The following ESR1 variants were observed in gnomAD, a reference collection of about 807,000 sequenced individuals.
ESR1 encodes estrogen receptor.
ESR1 carries 12 observed loss-of-function variants against 52.7 expected under a neutral mutation model. The observed-to-expected ratio is 0.23, with a 90% CI of 0.15 to 0.37. ESR1 has a LOEUF of 0.37. ESR1 is among the 10% of genes least tolerant of loss of function. The probability of loss-of-function intolerance (pLI) is 1.00; values close to 1 mark genes in which losing one functional copy is unlikely to be tolerated. For missense variants in ESR1, 584 were observed against 779.7 expected, an observed-to-expected ratio of 0.75 and a Z score of 2.99; for synonymous variants, 305 against 316.8, an observed-to-expected ratio of 0.96 and a Z score of 0.39.
exon 7 of ESR1, chr6:152,127,166 T>C (rs1247911396): frequency 6.6e-6 from 1 of 152,114 alleles, no homozygotes; most frequent in African/African-American, 2.4e-5. Flanking sequence ...TGGCCTCAGC[T>C]CTAAAACCAT....
chr6:152,052,375 C>T (rs993039177), intron 5 of ESR1, among the ~76,000 whole-genome samples: 16 of 152,110 alleles, frequency 1.1e-4, no homozygotes, highest in African/African-American at 3.9e-4. Context: ...GAATGTAGAA[C>T]AGTGATATAA....
intron 2 of ESR1, among the ~76,000 whole-genome samples, chr6:151,779,886 C>A (rs1313481694): frequency 8.6e-6 from 1 of 116,472 alleles, no homozygotes; most frequent in African/African-American, 3.4e-5. Flanking sequence ...GGCGACAGAG[C>A]GAGACTCCGT....
chr6:151,977,488 G>A (rs1008058778), intron 4 of ESR1, among the ~76,000 whole-genome samples: 1 of 151,398 alleles, frequency 6.6e-6, no homozygotes, highest in Admixed American at 6.6e-5. Context: ...GCTTTAATGT[G>A]GACCTAGGTC....
chr6:151,885,257 G>A lies in ESR1; in HGVS notation c.760+4486G>A, dbSNP rs150607321. On this transcript the variant is annotated intron_variant, in intron 3 of 7. Coordinates refer to ENST00000206249, the MANE Select transcript of ESR1 (RefSeq NM_000125.4). ...TAAAGAGAACATTTGCATGGGAAGC[G>A]GCAAATAAAAATCTCAACGGCAAGT... Among the ~76,000 whole-genome samples, 11 of 152,218 alleles carry A rather than the reference G, an allele frequency of 7.2e-5. No individual in the cohort carries two copies. In the East Asian group the frequency reaches 1.4e-3, roughly 19 times the overall value.
intron 4 of ESR1, among the ~76,000 whole-genome samples, chr6:152,004,369 T>G (rs13219476): frequency 0.13 from 19,852 of 151,982 alleles, 1,518 homozygotes; most frequent in East Asian, 0.33. Context: ...TGGGCAGACT[T>G]GAAACCAGTT....
intron 4 of ESR1, among the ~76,000 whole-genome samples, chr6:151,958,692 A>G (rs962988549): frequency 1.3e-5 from 2 of 152,160 alleles, no homozygotes; most frequent in African/African-American, 4.8e-5. Flanking sequence ...AAATGCACAC[A>G]CTCATTTACC....
chr6:152,096,765 T>C, intron 7 of ESR1: 1 of 453,064 alleles, frequency 2.2e-6, no homozygotes, highest in Non-Finnish European at 4.4e-6. Context: ...CTTTTTCTTT[T>C]GATGAGTATT....
chr6:152,010,254 A>G (rs1047862279), intron 4 of ESR1, among the ~76,000 whole-genome samples: 5 of 152,156 alleles, frequency 3.3e-5, no homozygotes, highest in Non-Finnish European at 5.9e-5. Context: ...TGTTACCTCC[A>G]AGAACCCCAA....
chr6:152,042,432 A>T (rs1379191357), intron 5 of ESR1, among the ~76,000 whole-genome samples: 1 of 152,218 alleles, frequency 6.6e-6, no homozygotes, highest in Non-Finnish European at 1.5e-5. Flanking sequence ...GCTCAGAGCC[A>T]GTGTCCAGTT....
intron 2 of ESR1, among the ~76,000 whole-genome samples, chr6:151,775,234 C>G (rs1391888698): frequency 1.3e-5 from 2 of 152,164 alleles, no homozygotes; most frequent in Non-Finnish European, 2.9e-5. Flanking sequence ...TATCCCTTAT[C>G]CAAAATGCTT....
intron 2 of ESR1, among the ~76,000 whole-genome samples, chr6:151,779,407 C>G (rs184611187): frequency 3.3e-5 from 5 of 152,026 alleles, no homozygotes; most frequent in Admixed American, 3.3e-4. Flanking sequence ...TTTATGCAGC[C>G]AACAAACATA....
At chr6:151,750,612 AG>A (rs1257512343) in intron 2 of ESR1, among the ~76,000 whole-genome samples, 5 of 152,198 alleles carry the variant, frequency 3.3e-5, no homozygotes, top group Non-Finnish European at 7.4e-5. Flanking sequence ...GTTTTCCTTT[AG>A]GGTGAGAAAC....
At chr6:151,733,269 C>G (rs1350777078) in intron 2 of ESR1, among the ~76,000 whole-genome samples, 1 of 152,166 alleles carries the variant, frequency 6.6e-6, no homozygotes, top group Admixed American at 6.5e-5. Context: ...GACTGTCTAA[C>G]TCAAGAGCCC....
chr6:151,787,737 GC>G (rs1247873934), intron 2 of ESR1, among the ~76,000 whole-genome samples: 2 of 152,160 alleles, frequency 1.3e-5, no homozygotes, highest in Non-Finnish European at 2.9e-5. Context: ...AGCTGAAGGA[GC>G]TTTTGGGCCA....
At chr6:151,867,695 TTGG>T (rs1193680622) in intron 2 of ESR1, among the ~76,000 whole-genome samples, 2 of 152,308 alleles carry the variant, frequency 1.3e-5, no homozygotes, top group East Asian at 1.9e-4. Context: ...TTTTACACTG[TTGG>T]TGGGAGTGTA....
intron 6 of ESR1, among the ~76,000 whole-genome samples, chr6:152,067,628 A>C (rs3020374): frequency 0.46 from 69,796 of 151,970 alleles, 18,420 homozygotes; most frequent in African/African-American, 0.72. Context: ...GAGTTCCAGA[A>C]CAGCCTGGCC....
intron 3 of ESR1, among the ~76,000 whole-genome samples, chr6:151,893,222 G>A (rs934937653): frequency 1.1e-4 from 17 of 152,092 alleles, no homozygotes; most frequent in Non-Finnish European, 2.4e-4. Context: ...GGCGGGGAGC[G>A]CCTGTAATCC....
At chr6:151,945,217 C>T (rs1225102017) in intron 4 of ESR1, among the ~76,000 whole-genome samples, 4 of 151,708 alleles carry the variant, frequency 2.6e-5, no homozygotes, top group South Asian at 2.1e-4. Context: ...AGAGCAAGAC[C>T]GTGTCATAAA....
chr6:152,100,729 T>A lies in ESR1; in HGVS notation c.*1763T>A, dbSNP rs1295045878. On this transcript the variant is annotated 3_prime_UTR_variant, in exon 8 of 8. Coordinates refer to ENST00000206249, the MANE Select transcript of ESR1 (RefSeq NM_000125.4). Reference sequence around the variant, plus strand: ...AAAGTGGATTTCATTCATTTCTGATTGTCCAGTTAAGTGATCACCAAAGGA... The same window carrying A: ...AAAGTGGATTTCATTCATTTCTGATAGTCCAGTTAAGTGATCACCAAAGGA... The A allele has an allele frequency of 4.4e-6, 1 of 227,448 alleles. No homozygotes were observed. Among genetic ancestry groups the A allele is most frequent in the African/African-American group, 2.2e-5 (1 of 44,652 alleles). 14.1% of individuals were successfully genotyped at this position (227,448 alleles called of 1,614,324 possible).
Sources: gnomAD v4.1 joint callset for allele counts (sites outside exome capture counted in the v4.1 genomes callset) on GRCh38, gnomAD v4.1.1 for gene constraint, MANE v1.5 for transcripts, NCBI Gene and HGNC (gene_info 2026-07-23, HGNC 2026-07-21) for gene names.